The following HAP1 variants were observed in gnomAD, a reference collection of about 807,000 sequenced individuals.
The protein encoded by HAP1 is huntingtin associated protein 1.
Under a neutral mutation model 60.3 loss-of-function variants are expected in HAP1, and 59 were observed. The observed-to-expected ratio is 0.98, with a 90% confidence interval of 0.79 to 1.22. The LOEUF (loss-of-function observed/expected upper bound fraction) is 1.22. Ranked by LOEUF, HAP1 falls within the 50% of genes most tolerant of loss-of-function variation. The pLI, the probability that HAP1 is intolerant of heterozygous loss-of-function variation, is 0.00. For missense variants in HAP1, 825 were observed against 785.3 expected (o/e 1.05, Z -0.60); for synonymous variants, 346 against 330.6 (o/e 1.05, Z -0.50).
At chr17:41,725,800 G>A (rs1191169653) in intron 10 of HAP1, 59 bp downstream of exon 10, 26 of 1,297,120 alleles carry the variant, frequency 2.0e-5, no homozygotes, top group Admixed American at 5.1e-5. Flanking sequence ...AGAGGCAGGT[G>A]GGCTGTCTGG....
At chr17:41,729,588 G>A (rs1406356308) in intron 6 of HAP1, among the ~76,000 whole-genome samples, 18 of 127,064 alleles carry the variant, frequency 1.4e-4, no homozygotes, top group African/African-American at 2.3e-4. Context: ...AAGGAAATGC[G>A]GTCTTGGCCG....
rs782221042 is a variant in HAP1 at position 41,732,262 on chromosome 17, G to C, written c.682C>G (p.Leu228Val). ...TTGGCTGAGCCCAGCAGGGCTTCCA[G>C]CTTGCTGTTCTCCTCCATCAAAACA... The part of the protein sequence containing the change: ...NSVLMEENSK[L>V]EALLGSAKEE... The change falls in exon 3 of 11, where the codon CTG (leucine) becomes GTG (valine). Residue 228 changes from leucine (L) to valine (V), a missense_variant. Leu to Val is a conservative substitution (Grantham distance 32). Coordinates refer to ENST00000347901, the MANE Select transcript of HAP1 (RefSeq NM_177977.3). 3.7e-6 allele frequency: 6 copies of C among 1,614,138 alleles called. No individual in the cohort carries two copies. The South Asian group carries it at 6.6e-5, about 18-fold the overall frequency.
At chr17:41,727,408 T>C in intron 8 of HAP1, 1 of 779,760 alleles carries the variant, frequency 1.3e-6, no homozygotes, top group South Asian at 1.3e-5. Context: ...CCACAATCCA[T>C]GTACTTCTCC....
chr17:41,731,829 A>G (rs1597747406), intron 4 of HAP1, 86 bp from the exon 5 acceptor site: 2 of 1,025,216 alleles, frequency 2.0e-6, no homozygotes, highest in African/African-American at 3.1e-5. Context: ...AGTGTTCTCA[A>G]TTAGTTCCAG....
At chr17:41,727,427 C>T (rs143032820) in intron 8 of HAP1, 229 of 779,108 alleles carry the variant, frequency 2.9e-4, no homozygotes, top group Middle Eastern at 1.3e-3. Context: ...CCCGCAGGTC[C>T]TGCAGCTGGG....
Position 41,725,000 on chromosome 17 carries a change from G to T in HAP1, c.1561C>A (p.Pro521Thr). 1 of 1,611,712 alleles carries T rather than the reference G, an allele frequency of 6.2e-7. No homozygotes were observed. Reference protein sequence around the residue: ...QEELGAAKKVPAEEGVMEEAE... With the variant: ...QEELGAAKKVTAEEGVMEEAE... Reference sequence around the variant, plus strand: ...TCTTCCATCACCCCTTCCTCAGCCGGCACCTTCTTGGCAGCCCCCAGCTCC... The same window carrying T: ...TCTTCCATCACCCCTTCCTCAGCCGTCACCTTCTTGGCAGCCCCCAGCTCC... The change falls in exon 11 of 11, where the codon CCG (proline) becomes ACG (threonine). Residue 521 changes from proline (P) to threonine (T), a missense_variant. By Grantham distance (38) the Pro-to-Thr change is conservative. Coordinates refer to ENST00000347901, the MANE Select transcript of HAP1 (RefSeq NM_177977.3).
intron 9 of HAP1, among the ~76,000 whole-genome samples, chr17:41,726,751 T>C (rs1475119648): frequency 6.6e-6 from 1 of 151,808 alleles, no homozygotes; most frequent in East Asian, 1.9e-4. Context: ...TAATCCCAGC[T>C]ACTCGGAAGG....
rs374580379 is a variant in HAP1 at position 41,727,118 on chromosome 17, C to T, written c.1302G>A (p.Thr434=). The T allele has an allele frequency of 4.3e-5, 68 of 1,592,920 alleles. No individual in the cohort carries two copies. The highest frequency in any genetic ancestry group is 5.4e-5 in the Non-Finnish European group (63 of 1,164,002). The change falls in exon 9 of 11, where the codon ACG becomes ACA. Residue 434 remains threonine (T), a synonymous_variant. Transcript: ENST00000347901. ...GAGACGTTCTGAGCTCCTCAGCCAG[C>T]GTCTCCTGGAAACCAGGAAGAGTCT... is the stretch of plus-strand genomic sequence containing the variant. The part of the protein sequence containing the change: ...EEETLPGFQE[T]LAEELRTSLR...
At chr17:41,719,328 C>T (rs1555586585), downstream of HAP1, among the ~76,000 whole-genome samples, 2 of 152,076 alleles carry the variant, frequency 1.3e-5, no homozygotes, top group African/African-American at 4.8e-5. Flanking sequence ...ATATGAAAAC[C>T]ATGGATTGAA....
Position 41,731,481 on chromosome 17 carries a change from AAC to A in HAP1, c.1069+10_1069+11del. 1 of 1,586,468 alleles carries A rather than the reference AAC, an allele frequency of 6.3e-7. No homozygotes were observed. ...GGGACAACCCCCCACCCCGAGTGACAACATTACGTACAAAACTGCTCCACACA... is the reference window on the plus strand; with the variant it reads ...GGGACAACCCCCCACCCCGAGTGACAATTACGTACAAAACTGCTCCACACA... On this transcript the variant is annotated intron_variant, in intron 6 of 10. Coordinates refer to ENST00000347901, the MANE Select transcript of HAP1 (RefSeq NM_177977.3).
downstream of HAP1, chr17:41,718,254 A>G (rs2143151584): frequency 4.2e-6 from 1 of 239,552 alleles, no homozygotes; most frequent in African/African-American, 2.2e-5. Flanking sequence ...ATTCAGGCTC[A>G]CAGAGCATCT....
In HAP1 at chr17:41,724,860, AG is replaced by A. The variant is rs1458878608; in HGVS notation, c.1700del (p.Pro567LeufsTer6). 19 of 1,613,586 alleles carry A rather than the reference AG, an allele frequency of 1.2e-5. No homozygotes were observed. The highest frequency in any genetic ancestry group is 1.6e-5 in the Non-Finnish European group (19 of 1,180,006). Reference sequence around the variant, plus strand: ...GGACATAATTCATGTCCAGGTGTGAAGGGCCCAAGCCGCTGGCCTCCAGGGC... The same window carrying A: ...GGACATAATTCATGTCCAGGTGTGAAGGCCCAAGCCGCTGGCCTCCAGGGC... ...TSALEASGLG[P>X]SHLDMNYVLQ... is the part of the protein sequence containing the mutation. On this transcript the variant is annotated frameshift_variant, in exon 11 of 11. Transcript: ENST00000347901. LOFTEE classifies it high-confidence loss of function.
chr17:41,718,947 C>T (rs1911088776), downstream of HAP1, among the ~76,000 whole-genome samples: 1 of 152,116 alleles, frequency 6.6e-6, no homozygotes, highest in Admixed American at 6.6e-5. Context: ...TAAGTGTGCA[C>T]TTGTTGCAAG....
rs782157753 is a variant in HAP1 at position 41,725,003 on chromosome 17, C to T, written c.1558G>A (p.Val520Met). 2.5e-6 allele frequency: 4 copies of T among 1,612,056 alleles called. No individual in the cohort carries two copies. In the South Asian group the frequency reaches 4.4e-5, roughly 18 times the overall value. ...TCCATCACCCCTTCCTCAGCCGGCA[C>T]CTTCTTGGCAGCCCCCAGCTCCTCC... The part of the protein sequence containing the change: ...PQEELGAAKK[V>M]PAEEGVMEEA... The change falls in exon 11 of 11, where the codon GTG becomes ATG. Residue 520 changes from valine to methionine, a missense_variant. Physicochemically the swap from Val to Met is conservative, Grantham distance 21 (BLOSUM62 1). Transcript: ENST00000347901.
intron 9 of HAP1, among the ~76,000 whole-genome samples, chr17:41,726,403 C>A (rs1234782463): frequency 1.5e-4 from 21 of 136,414 alleles, no homozygotes; most frequent in Middle Eastern, 3.8e-3. Flanking sequence ...GACTCCATCT[C>A]AAAAAACAAA....
rs1555587978 is a variant in HAP1 at position 41,724,431 on chromosome 17, G to A, written c.*270C>T. On this transcript the variant is annotated 3_prime_UTR_variant, in exon 11 of 11. Transcript: ENST00000347901. Reference sequence around the variant, plus strand: ...TAGAGGAGGCAGGGGTTGGGGGCAGGGGAAGCAAGCGGGCAGAGATGGGAA... The same window carrying A: ...TAGAGGAGGCAGGGGTTGGGGGCAGAGGAAGCAAGCGGGCAGAGATGGGAA... 5 of 461,666 alleles carry A rather than the reference G, an allele frequency of 1.1e-5. No individual in the cohort carries two copies. The East Asian group carries it at 1.7e-4, about 16-fold the overall frequency. The allele number at this position is 461,666 out of a possible 1,614,324, so 28.6% of individuals were successfully genotyped here. A position where few individuals can be genotyped will look rare whatever the true frequency, so the allele number is the denominator to read the frequency against.
intron 9 of HAP1, 42 bp from the exon 10 acceptor site, chr17:41,725,939 C>T (rs377517888): frequency 3.6e-5 from 52 of 1,456,978 alleles, no homozygotes; most frequent in African/African-American, 1.1e-4. Flanking sequence ...CAATGGAAGC[C>T]GAAACTGCAG....
In HAP1 at chr17:41,724,488, C is replaced by G. The variant is rs781864779; in HGVS notation, c.*213G>C. 1.7e-6 allele frequency: 1 copy of G among 585,848 alleles called. No homozygotes were observed. The highest frequency in any genetic ancestry group is 3.0e-6 in the Non-Finnish European group (1 of 328,472). 36.3% of individuals were successfully genotyped at this position (585,848 alleles called of 1,614,324 possible). ...GCGCAGTGTGGGGGCACAGTCCCAG[C>G]CCTAACCCCCAGCCCAGCCCCCAGG... On this transcript the variant is annotated 3_prime_UTR_variant, in exon 11 of 11. Coordinates refer to ENST00000347901, the MANE Select transcript of HAP1 (RefSeq NM_177977.3).
chr17:41,721,083 G>A (rs1031538682), downstream of HAP1: 29 of 152,172 alleles, frequency 1.9e-4, no homozygotes, highest in African/African-American at 6.3e-4. Context: ...ACAGGTGTGA[G>A]CCACCTCACC....
Sources: gnomAD v4.1 joint callset for allele counts (sites outside exome capture counted in the v4.1 genomes callset) on GRCh38, gnomAD v4.1.1 for gene constraint, MANE v1.5 for transcripts, NCBI Gene and HGNC (gene_info 2026-07-23, HGNC 2026-07-21) for gene names.